Variants in COL23A1 observed in about 807,000 individuals in gnomAD.
COL23A1 encodes collagen type XXIII alpha 1 chain, also known as collagen alpha-1(XXIII) chain.
In COL23A1, 97 loss-of-function variants were observed where a neutral mutation model predicts 99.3. The ratio of observed to expected loss-of-function variants is 0.98; its 90% confidence interval spans 0.83 to 1.16. COL23A1 has a LOEUF of 1.16. COL23A1 is among the 50% of genes most tolerant of loss of function. The probability of loss-of-function intolerance (pLI) is 0.00; values close to 1 mark genes in which losing one functional copy is unlikely to be tolerated. For synonymous variants in COL23A1, 320 were observed against 308.2 expected (o/e 1.04, Z -0.40); for missense variants, 762 against 757.4 (o/e 1.01, Z -0.07).
intron 1 of COL23A1, among the ~76,000 whole-genome samples, chr5:178,565,552 T>C (rs954585206): frequency 7.2e-6 from 1 of 138,604 alleles, no homozygotes; most frequent in Non-Finnish European, 1.5e-5. Flanking sequence ...CCCACCACGA[T>C]GATGATGATA....
intron 13 of COL23A1, among the ~76,000 whole-genome samples, chr5:178,257,287 G>A (rs1765358723): frequency 6.6e-6 from 1 of 152,164 alleles, no homozygotes; most frequent in South Asian, 2.1e-4. Flanking sequence ...AGAGAGTGAG[G>A]CCCCCTAAGA....
intron 2 of COL23A1, chr5:178,442,816 T>G (rs544067373): frequency 1.3e-5 from 2 of 152,108 alleles, no homozygotes; most frequent in Non-Finnish European, 2.9e-5. Context: ...CCCTTAGAAC[T>G]CTCCAGAGCC....
Position 178,238,409 on chromosome 5 carries a change from G to A in COL23A1, c.*289C>T, listed in dbSNP as rs1265231834. The A allele has an allele frequency of 4.2e-6, 2 of 477,360 alleles. No homozygotes were observed. Among genetic ancestry groups the A allele is most frequent in the Non-Finnish European group, 3.8e-6 (1 of 264,162 alleles). The allele number at this position is 477,360 out of a possible 1,614,324, so 29.6% of individuals were successfully genotyped here. A position where few individuals can be genotyped will look rare whatever the true frequency, so the allele number is the denominator to read the frequency against. On this transcript the variant is annotated 3_prime_UTR_variant, in exon 29 of 29. Transcript: ENST00000390654. ...CTGATCAGGTGACTGAAGGCCCAAC[G>A]TAGCATCTTTCTAGCCTTGCCCGAG...
intron 5 of COL23A1, among the ~76,000 whole-genome samples, chr5:178,286,570 T>C (rs1757163485): frequency 6.6e-6 from 1 of 152,216 alleles, no homozygotes; most frequent in Non-Finnish European, 1.5e-5. Context: ...GCCAAGGGGC[T>C]TTCCTTTCCC....
intron 3 of COL23A1, among the ~76,000 whole-genome samples, chr5:178,299,873 C>T (rs1757938312): frequency 1.3e-5 from 2 of 151,726 alleles, no homozygotes. Context: ...CCTGCCTCAG[C>T]CTCCCGAGTA....
intron 1 of COL23A1, among the ~76,000 whole-genome samples, chr5:178,584,261 C>T (rs921575340): frequency 5.3e-5 from 8 of 151,706 alleles, no homozygotes; most frequent in African/African-American, 1.2e-4. Context: ...CCACCCACTT[C>T]GGCCTCCCAA....
At chr5:178,360,417 G>T (rs903185767) in intron 2 of COL23A1, among the ~76,000 whole-genome samples, 1 of 152,260 alleles carries the variant, frequency 6.6e-6, no homozygotes, top group Non-Finnish European at 1.5e-5. Flanking sequence ...CACACATCCA[G>T]GGAGAAGCTG....
intron 2 of COL23A1, among the ~76,000 whole-genome samples, chr5:178,359,298 T>C (rs112303186): frequency 0.1 from 15,910 of 152,212 alleles, 986 homozygotes; most frequent in Middle Eastern, 0.26. Context: ...CCGAGGCAGG[T>C]GGATCACTTG....
chr5:178,402,644 T>C (rs1281603349), intron 2 of COL23A1, among the ~76,000 whole-genome samples: 1 of 152,008 alleles, frequency 6.6e-6, no homozygotes, highest in Non-Finnish European at 1.5e-5. Context: ...CGCAGCTACT[T>C]GGGAGGCTGA....
intron 2 of COL23A1, among the ~76,000 whole-genome samples, chr5:178,455,965 T>A (rs1467082875): frequency 6.6e-6 from 1 of 151,880 alleles, no homozygotes; most frequent in Non-Finnish European, 1.5e-5. Context: ...AAAGGAAAAA[T>A]AACAAGAAAG....
intron 2 of COL23A1, among the ~76,000 whole-genome samples, chr5:178,383,870 G>A (rs1445762464): frequency 9.4e-5 from 13 of 139,020 alleles, no homozygotes; most frequent in South Asian, 2.2e-4. Context: ...CAAACCTTAC[G>A]ACAGAAATAG....
At chr5:178,363,589 G>T (rs1762292421) in intron 2 of COL23A1, among the ~76,000 whole-genome samples, 1 of 152,208 alleles carries the variant, frequency 6.6e-6, no homozygotes, top group Non-Finnish European at 1.5e-5. Flanking sequence ...GTTTTGGTCA[G>T]CACCCATATG....
Position 178,358,385 on chromosome 5 carries a change from GTGTGTA to G in COL23A1, c.362-51472_362-51467del, listed in dbSNP as rs774582027. ...GTATGTGTACGTGTGTATGTCTAAT[GTGTGTA>G]TGTGTATGTGTATGTGTGTATGTGT... is the stretch of plus-strand genomic sequence containing the variant. On this transcript the variant is annotated intron_variant, in intron 2 of 28. Coordinates refer to ENST00000390654, the MANE Select transcript of COL23A1 (RefSeq NM_173465.4). 7.9e-3 allele frequency among the ~76,000 whole-genome samples: 1,112 copies of G among 140,958 alleles called. 10 individuals are homozygous for G. Among genetic ancestry groups the G allele is most frequent in the Admixed American group, 0.023 (331 of 14,334 alleles). 92.5% of individuals were successfully genotyped at this position (140,958 alleles called of 152,430 possible).
At chr5:178,359,070 G>A (rs1157909472) in intron 2 of COL23A1, among the ~76,000 whole-genome samples, 2 of 152,178 alleles carry the variant, frequency 1.3e-5, no homozygotes, top group East Asian at 1.9e-4. Context: ...AGAGTCGCAG[G>A]ATGGCAGCTC....
intron 2 of COL23A1, among the ~76,000 whole-genome samples, chr5:178,451,023 T>C (rs1478382902): frequency 6.6e-6 from 1 of 152,254 alleles, no homozygotes; most frequent in Admixed American, 6.5e-5. Flanking sequence ...TAAAGAATTA[T>C]AGGTCTCTAT....
intron 2 of COL23A1, among the ~76,000 whole-genome samples, chr5:178,429,190 G>A (rs1322025708): frequency 1.3e-5 from 2 of 152,206 alleles, no homozygotes; most frequent in Non-Finnish European, 2.9e-5. Context: ...CAGTGGATGG[G>A]GCATGCGCCT....
chr5:178,281,660 C>T lies in COL23A1; in HGVS notation c.441+6664G>A, dbSNP rs1173413383. ...GCAAATTAGTGCAACCGCCTCCTAC[C>T]CGCACCCCTTCCTCCAGTTTCTGCC... On this transcript the variant is annotated intron_variant, in intron 5 of 28. Transcript: ENST00000390654. This position sits in a 1 kb window ranked among gnomAD's most constrained non-coding sequence, Gnocchi z 4.0. 2.0e-5 allele frequency among the ~76,000 whole-genome samples: 3 copies of T among 152,184 alleles called. No individual in the cohort carries two copies. The highest frequency in any genetic ancestry group is 7.2e-5 in the African/African-American group (3 of 41,440).
In COL23A1 at chr5:178,262,936, G is replaced by A. The variant is rs140583310; in HGVS notation, c.639+272C>T. ...GGTCAAGGTCTTGATTGGGATCAGA[G>A]ACCCAGTTAGTGTTAGATTTAAGGT... On this transcript the variant is annotated intron_variant, in intron 9 of 28. Transcript: ENST00000390654. Among the ~76,000 whole-genome samples the A allele has an allele frequency of 4.6e-5, 7 of 152,264 alleles. No homozygotes were observed. The South Asian group carries it at 8.3e-4, about 18-fold the overall frequency.
At chr5:178,476,325 G>C (rs556583858) in intron 2 of COL23A1, among the ~76,000 whole-genome samples, 12 of 152,242 alleles carry the variant, frequency 7.9e-5, no homozygotes, top group Admixed American at 4.6e-4. Flanking sequence ...ACAGAGTGGA[G>C]ATCTACCTGT....
Sources: allele counts gnomAD v4.1 joint callset (sites outside exome capture counted in the v4.1 genomes callset), GRCh38; gene constraint gnomAD v4.1.1; non-coding constraint Gnocchi (gnomAD v3.1); transcripts MANE v1.5; gene names NCBI Gene and HGNC (gene_info 2026-07-23, HGNC 2026-07-21).